The following LRRTM3 variants were observed in gnomAD, a reference collection of about 807,000 sequenced individuals.
LRRTM3 encodes the protein leucine-rich repeat transmembrane neuronal protein 3.
In LRRTM3, 24 loss-of-function variants were observed where a neutral mutation model predicts 44.7. That is an observed-to-expected ratio of 0.54 (90% CI 0.39 to 0.76). The LOEUF is 0.76. Ranked by LOEUF, LRRTM3 falls within the 30% of genes least tolerant of loss-of-function variation. The pLI is 0.00. For synonymous variants in LRRTM3, 277 were observed against 278.7 expected, an observed-to-expected ratio of 0.99 and a Z score of 0.06; for missense variants, 587 against 702.2, an observed-to-expected ratio of 0.84 and a Z score of 1.85.
At chr10:67,058,585 T>A (rs1045380573) in intron 2 of LRRTM3, among the ~76,000 whole-genome samples, 5 of 152,136 alleles carry the variant, frequency 3.3e-5, no homozygotes, top group Non-Finnish European at 5.9e-5. Flanking sequence ...ATCATTCACA[T>A]CCTCCATTGC....
chr10:66,997,103 A>G (rs1851397898), intron 2 of LRRTM3, among the ~76,000 whole-genome samples: 1 of 152,224 alleles, frequency 6.6e-6, no homozygotes, highest in Non-Finnish European at 1.5e-5. Flanking sequence ...GGCAAGAATA[A>G]GAGCAGAAGA....
In LRRTM3 at chr10:66,938,842, T is replaced by C. The variant is rs534047629; in HGVS notation, c.1536+10390T>C. 7.3e-4 allele frequency among the ~76,000 whole-genome samples: 111 copies of C among 152,276 alleles called. 1 individual carries two copies. The highest frequency in any genetic ancestry group is 2.6e-3 in the African/African-American group (107 of 41,554). ...AAAAATTGAGACAAAGAAATAATAT[T>C]TAAGTCTAGCTGCGAATACACCTTC... On this transcript the variant is annotated intron_variant, in intron 2 of 2. Transcript: ENST00000361320.
intron 2 of LRRTM3, among the ~76,000 whole-genome samples, chr10:67,027,934 T>A (rs2133098624): frequency 6.6e-6 from 1 of 152,314 alleles, no homozygotes; most frequent in African/African-American, 2.4e-5. Context: ...TATAGTACTT[T>A]TTTGTTTATA....
At chr10:67,028,373 C>T (rs1284190576) in intron 2 of LRRTM3, among the ~76,000 whole-genome samples, 1 of 151,966 alleles carries the variant, frequency 6.6e-6, no homozygotes, top group Non-Finnish European at 1.5e-5. Context: ...TACCTATCAT[C>T]CACAGCTTGC....
intron 2 of LRRTM3, among the ~76,000 whole-genome samples, chr10:67,058,092 G>A (rs576631233): frequency 1.4e-4 from 21 of 152,078 alleles, no homozygotes; most frequent in Non-Finnish European, 2.8e-4. Flanking sequence ...CTTGCATGCT[G>A]GTGTCTCTTC....
At position 67,065,230 on chromosome 10, in the gene LRRTM3, G is replaced by A. The variant is rs1856006474; in HGVS notation, c.1537-32357G>A. 2.6e-5 allele frequency among the ~76,000 whole-genome samples: 4 copies of A among 152,210 alleles called. No individual in the cohort carries two copies. In the South Asian group the frequency reaches 6.2e-4, roughly 24 times the overall value. ...CGGGAGACACAGTTTCAAATCCCAC[G>A]TTGACCATACACATGCTGTATGGCC... On this transcript the variant is annotated intron_variant, in intron 2 of 2. Transcript: ENST00000361320.
intron 2 of LRRTM3, among the ~76,000 whole-genome samples, chr10:66,948,357 A>C (rs572249935): frequency 6.6e-6 from 1 of 152,328 alleles, no homozygotes; most frequent in South Asian, 2.1e-4. Flanking sequence ...AATGGACAGA[A>C]TGGGGAGAAT....
intron 2 of LRRTM3, among the ~76,000 whole-genome samples, chr10:67,038,428 A>C (rs1854197037): frequency 6.6e-6 from 1 of 152,112 alleles, no homozygotes; most frequent in Non-Finnish European, 1.5e-5. Flanking sequence ...TACTATAAGA[A>C]GATGAAAATA....
At chr10:67,027,711 G>A (rs1238051373) in intron 2 of LRRTM3, among the ~76,000 whole-genome samples, 1 of 152,094 alleles carries the variant, frequency 6.6e-6, no homozygotes, top group African/African-American at 2.4e-5. Context: ...TTACAGGCAT[G>A]AGCCACCGTG....
chr10:67,064,137 GT>G (rs1251379034), intron 2 of LRRTM3, among the ~76,000 whole-genome samples: 2 of 151,968 alleles, frequency 1.3e-5, no homozygotes, highest in African/African-American at 4.8e-5. Context: ...CTATCAACTT[GT>G]TTTTTTCATG....
chr10:66,944,346 T>C (rs953219792), intron 2 of LRRTM3, among the ~76,000 whole-genome samples: 1 of 152,212 alleles, frequency 6.6e-6, no homozygotes, highest in Middle Eastern at 3.2e-3. Context: ...AGTTTGATCA[T>C]GAGGTTGCAG....
At chr10:66,935,921 C>T (rs1847670770) in intron 2 of LRRTM3, among the ~76,000 whole-genome samples, 1 of 152,018 alleles carries the variant, frequency 6.6e-6, no homozygotes, top group Non-Finnish European at 1.5e-5. Flanking sequence ...AAAGGCTTCT[C>T]AAAGCCAAAT....
chr10:66,963,368 A>G (rs1849228633), intron 2 of LRRTM3, among the ~76,000 whole-genome samples: 1 of 152,186 alleles, frequency 6.6e-6, no homozygotes, highest in African/African-American at 2.4e-5. Context: ...TGTAGTATGG[A>G]AAATGTGATT....
At chr10:66,980,497 G>GA in intron 2 of LRRTM3, among the ~76,000 whole-genome samples, 1 of 141,152 alleles carries the variant, frequency 7.1e-6, no homozygotes, top group South Asian at 2.2e-4. Flanking sequence ...CAAAACTATT[G>GA]AGACCTTCCT....
intron 2 of LRRTM3, among the ~76,000 whole-genome samples, chr10:66,997,139 C>T (rs1023310495): frequency 3.9e-5 from 6 of 152,198 alleles, no homozygotes; most frequent in African/African-American, 7.2e-5. Context: ...ACAGCTTTTT[C>T]GTCTTTGCTT....
chr10:67,043,708 C>T (rs1365552990), intron 2 of LRRTM3, among the ~76,000 whole-genome samples: 6 of 152,084 alleles, frequency 3.9e-5, no homozygotes, highest in Admixed American at 3.9e-4. Flanking sequence ...AAGGAATCAT[C>T]CATCTTTATA....
chr10:67,038,032 T>G (rs1365295699), intron 2 of LRRTM3, among the ~76,000 whole-genome samples: 1 of 152,134 alleles, frequency 6.6e-6, no homozygotes, highest in Non-Finnish European at 1.5e-5. Flanking sequence ...AGATTTTACA[T>G]CTAATAATAT....
intron 2 of LRRTM3, among the ~76,000 whole-genome samples, chr10:67,078,497 AT>A (rs1188257902): frequency 6.6e-6 from 1 of 151,216 alleles, no homozygotes; most frequent in African/African-American, 2.5e-5. Flanking sequence ...TGATTTATAA[AT>A]TTTTTTCTGA....
intron 2 of LRRTM3, 115 bp from the exon 3 acceptor site, chr10:67,097,472 A>G: frequency 2.4e-6 from 2 of 842,760 alleles, no homozygotes; most frequent in Non-Finnish European, 1.9e-6. Flanking sequence ...CCTGGGCCAC[A>G]GGGCCACAGA....
Sources: gnomAD v4.1 joint callset for allele counts (sites outside exome capture counted in the v4.1 genomes callset) on GRCh38, gnomAD v4.1.1 for gene constraint, MANE v1.5 for transcripts, NCBI Gene and HGNC (gene_info 2026-07-23, HGNC 2026-07-21) for gene names.